Variants in XDH observed in about 807,000 individuals in gnomAD.
The protein encoded by XDH is xanthine dehydrogenase, also known as xanthine dehydrogenase/oxidase.
Under a neutral mutation model 156.1 loss-of-function variants are expected in XDH, and 138 were observed. The observed-to-expected ratio is 0.88, with a 90% CI of 0.77 to 1.02. The LOEUF is 1.02. XDH is among the 50% of genes least tolerant of loss of function. The pLI, the probability that XDH is intolerant of heterozygous loss-of-function variation, is 0.00. For synonymous variants in XDH, 669 were observed against 625.7 expected (o/e 1.07, Z -1.03); for missense variants, 1,849 against 1,684.9 (o/e 1.10, Z -1.71).
intron 30 of XDH, 104 bp downstream of exon 30, chr2:31,346,665 T>A: frequency 7.3e-7 from 1 of 1,365,990 alleles, no homozygotes; most frequent in Non-Finnish European, 1.0e-6. Context: ...TCTGCTGTTC[T>A]GACTAAAATA....
intron 1 of XDH, among the ~76,000 whole-genome samples, chr2:31,408,322 G>T (rs778602267): frequency 6.6e-6 from 1 of 152,190 alleles, no homozygotes; most frequent in Non-Finnish European, 1.5e-5. Flanking sequence ...CCAGCCACAA[G>T]TGGATTGCTA....
chr2:31,346,119 T>A (rs1197068411), intron 30 of XDH, among the ~76,000 whole-genome samples: 3 of 152,192 alleles, frequency 2.0e-5, no homozygotes, highest in Non-Finnish European at 4.4e-5. Flanking sequence ...ACTCCAATAC[T>A]GGGGAAGGAT....
chr2:31,365,393 T>C, intron 23 of XDH, 64 bp downstream of exon 23: 5 of 1,574,558 alleles, frequency 3.2e-6, no homozygotes, highest in Non-Finnish European at 8.7e-7. Context: ...TGCCTGGACA[T>C]TCGGTCCCAG....
intron 3 of XDH, among the ~76,000 whole-genome samples, chr2:31,401,786 G>C (rs944326161): frequency 3.9e-5 from 6 of 152,202 alleles, no homozygotes; most frequent in African/African-American, 1.2e-4. Context: ...GTGGGGAAAG[G>C]GGGAGGAAAC....
At chr2:31,379,001 C>T (rs1006639623) in intron 13 of XDH, among the ~76,000 whole-genome samples, 5 of 152,144 alleles carry the variant, frequency 3.3e-5, no homozygotes, top group Non-Finnish European at 4.4e-5. Context: ...TTAAGGAGGT[C>T]AAAATTACCA....
rs1685970381 is a variant in XDH at position 31,368,063 on chromosome 2, G to A, written c.2101-6C>T. On this transcript the variant is annotated splice_polypyrimidine_tract_variant and splice_region_variant and intron_variant, in intron 19 of 35. Coordinates refer to ENST00000379416, the MANE Select transcript of XDH (RefSeq NM_000379.4). ...GAGTTGTTCTTTATAGCATCCTGAGGATCACAAAGAAGTTTCAGAAATGTG... is the reference window on the plus strand; with the variant it reads ...GAGTTGTTCTTTATAGCATCCTGAGAATCACAAAGAAGTTTCAGAAATGTG... 2 of 1,613,732 alleles carry A rather than the reference G, an allele frequency of 1.2e-6. No homozygotes were observed.
intron 20 of XDH, among the ~76,000 whole-genome samples, chr2:31,367,340 G>A (rs45565237): frequency 0.023 from 3,514 of 152,340 alleles, 57 homozygotes; most frequent in Middle Eastern, 0.068. Context: ...AGATGTGATT[G>A]AAACACTGAA....
chr2:31,395,719 T>C (rs1572562483), intron 6 of XDH, among the ~76,000 whole-genome samples: 1 of 152,248 alleles, frequency 6.6e-6, no homozygotes, highest in Non-Finnish European at 1.5e-5. Context: ...TGCTCTGATA[T>C]GCCGTGTCTG....
At position 31,367,942 on chromosome 2, in the gene XDH, C is replaced by A. The variant is rs752864053; in HGVS notation, c.2197+19G>T. On this transcript the variant is annotated intron_variant, in intron 20 of 35. Transcript: ENST00000379416. ...AACCAGGGCCACCCCATTCCCACTG[C>A]GGCATGGAACAGCTCTACCTGACAC... 8 of 1,611,066 alleles carry A rather than the reference C, an allele frequency of 5.0e-6. No homozygotes were observed. Among genetic ancestry groups the A allele is most frequent in the African/African-American group, 2.7e-5 (2 of 74,870 alleles).
intron 6 of XDH, among the ~76,000 whole-genome samples, chr2:31,392,625 A>G (rs1465505735): frequency 6.6e-6 from 1 of 151,966 alleles, no homozygotes; most frequent in Non-Finnish European, 1.5e-5. Context: ...GGGTTTCACC[A>G]TGTTGGTCAG....
intron 23 of XDH, among the ~76,000 whole-genome samples, chr2:31,365,132 AT>A (rs1189497710): frequency 2.0e-5 from 3 of 152,152 alleles, no homozygotes; most frequent in African/African-American, 7.2e-5. Flanking sequence ...CAGGCCTGTG[AT>A]CATGTTAATG....
chr2:31,393,343 T>C (rs932714299), intron 6 of XDH, among the ~76,000 whole-genome samples: 1 of 152,252 alleles, frequency 6.6e-6, no homozygotes, highest in Non-Finnish European at 1.5e-5. Flanking sequence ...AGGACTGTTA[T>C]ATCTTCTTGG....
intron 4 of XDH, among the ~76,000 whole-genome samples, chr2:31,400,120 C>A (rs1222928760): frequency 1.3e-5 from 2 of 152,098 alleles, no homozygotes; most frequent in Non-Finnish European, 2.9e-5. Flanking sequence ...CCCAAGATGC[C>A]ACTCCAAGGA....
At chr2:31,359,289 A>T (rs1685711177) in intron 24 of XDH, among the ~76,000 whole-genome samples, 2 of 152,186 alleles carry the variant, frequency 1.3e-5, no homozygotes, top group Non-Finnish European at 2.9e-5. Context: ...TTTAAATACA[A>T]GAATAGTTTT....
chr2:31,348,323 A>G lies in XDH; in HGVS notation c.3092T>C (p.Leu1031Pro). ...CATCTCAGTCCCCCCGTGGGTCAGC[A>G]GCACAGAGCCATCTGTGTACACATG... is the stretch of plus-strand genomic sequence containing the variant. ...LLHVYTDGSV[L>P]LTHGGTEMGQ... Residue 1031 changes from leucine (L) to proline (P), a missense_variant, in exon 28 of 36, where the codon CTG becomes CCG. Physicochemically the swap from Leu to Pro is moderately conservative, Grantham distance 98. Transcript: ENST00000379416. 6.2e-7 allele frequency: 1 copy of G among 1,614,230 alleles called. No individual in the cohort carries two copies. Among genetic ancestry groups the G allele is most frequent in the Non-Finnish European group, 8.5e-7 (1 of 1,180,038 alleles).
chr2:31,357,117 A>C (rs183434839), intron 24 of XDH, among the ~76,000 whole-genome samples: 3 of 152,316 alleles, frequency 2.0e-5, no homozygotes. Context: ...ACTTTACAGC[A>C]CTAAATTGAA....
intron 32 of XDH, 49 bp downstream of exon 32, chr2:31,342,134 G>T: frequency 6.6e-7 from 1 of 1,522,882 alleles, no homozygotes; most frequent in East Asian, 2.3e-5. Context: ...CAACTCAGTT[G>T]TTTCTCTTCT....
Position 31,372,256 on chromosome 2 carries a change from T to C in XDH, c.1828A>G (p.Thr610Ala). ...ATCTTGGCGTGGGCCCGGGTGCTGG[T>C]GACCAGCCGGAGAGACAGCTCATTC... is the stretch of plus-strand genomic sequence containing the variant. ...YENELSLRLVTSTRAHAKIKS... is the reference protein window; with the variant it reads ...YENELSLRLVASTRAHAKIKS... Residue 610 changes from threonine (T) to alanine (A), a missense_variant, in exon 17 of 36, where the codon ACC (threonine) becomes GCC (alanine). Physicochemically the swap from Thr to Ala is moderately conservative, Grantham distance 58. Transcript: ENST00000379416. 6.2e-7 allele frequency: 1 copy of C among 1,614,230 alleles called. No individual in the cohort carries two copies. The highest frequency in any genetic ancestry group is 1.1e-5 in the South Asian group (1 of 91,076).
chr2:31,363,820 A>G (rs944008306), intron 24 of XDH, among the ~76,000 whole-genome samples: 1 of 152,084 alleles, frequency 6.6e-6, no homozygotes, highest in African/African-American at 2.4e-5. Context: ...ATAGTAATAT[A>G]TATTAGTATT....
Sources: gnomAD v4.1 joint callset for allele counts (sites outside exome capture counted in the v4.1 genomes callset) on GRCh38, gnomAD v4.1.1 for gene constraint, MANE v1.5 for transcripts, NCBI Gene and HGNC (gene_info 2026-07-23, HGNC 2026-07-21) for gene names.